The following AUTS2 variants were observed in gnomAD, a reference collection of about 807,000 sequenced individuals.
The protein encoded by AUTS2 is autism susceptibility gene 2 protein.
In AUTS2, 17 loss-of-function variants were observed where a neutral mutation model predicts 112.4. The observed-to-expected ratio is 0.15, with a 90% CI of 0.10 to 0.23. The LOEUF (loss-of-function observed/expected upper bound fraction) is 0.23, where lower values mean the gene tolerates loss of function less well. AUTS2 is among the 10% of genes least tolerant of loss of function. AUTS2 has a pLI of 1.00. For missense variants in AUTS2, 1,510 were observed against 1,701.6 expected (o/e 0.89, Z 1.98); for synonymous variants, 751 against 702.7 (o/e 1.07, Z -1.09).
intron 1 of AUTS2, among the ~76,000 whole-genome samples, chr7:69,724,000 C>T (rs1483610295): frequency 6.6e-6 from 1 of 152,146 alleles, no homozygotes; most frequent in East Asian, 1.9e-4. Context: ...GAATAAACTA[C>T]AGAAGCAGTG....
At chr7:69,623,003 T>G (rs1482434498) in intron 1 of AUTS2, among the ~76,000 whole-genome samples, 1 of 152,224 alleles carries the variant, frequency 6.6e-6, no homozygotes, top group East Asian at 1.9e-4. Flanking sequence ...TAGGCTGTGT[T>G]ACATTTTTTG....
rs1300634833 is a variant in AUTS2, at chr7:69,602,034, ATATATATGTGTGTGTGTGTGTGTG to A, written c.309+2074_309+2097del. 6.7e-3 allele frequency among the ~76,000 whole-genome samples: 881 copies of A among 131,248 alleles called. 20 individuals carry two copies. Among genetic ancestry groups the A allele is most frequent in the Non-Finnish European group, 9.2e-3 (565 of 61,438 alleles). The allele number at this position is 131,248 out of a possible 152,430, so 86.1% of individuals were successfully genotyped here. ...TATGTGTGTGTGTATATATATATAT[ATATATATGTGTGTGTGTGTGTGTG>A]TGTGTGTGTGTGTGTGTGTGTGTGT... On this transcript the variant is annotated intron_variant, in intron 1 of 18. Transcript: ENST00000342771.
At chr7:70,174,163 A>G (rs1808860344) in intron 4 of AUTS2, among the ~76,000 whole-genome samples, 1 of 152,234 alleles carries the variant, frequency 6.6e-6, no homozygotes, top group Non-Finnish European at 1.5e-5. Flanking sequence ...CATGAGTGAT[A>G]AGAAAGTGAA....
rs1251315706 is a variant in AUTS2, at chr7:70,614,904, A to G, written c.691-83665A>G. 2.6e-5 allele frequency among the ~76,000 whole-genome samples: 4 copies of G among 152,328 alleles called. No individual in the cohort carries two copies. In the South Asian group the frequency reaches 6.2e-4, roughly 24 times the overall value. ...CTGGCCGGCTGCAGGGCTAACCTGC[A>G]CCAGCACCCCAGGCAGCCCAGCTCA... On this transcript the variant is annotated intron_variant, in intron 5 of 18. Transcript: ENST00000342771.
chr7:70,399,317 T>C (rs1794225879), intron 4 of AUTS2, among the ~76,000 whole-genome samples: 1 of 152,158 alleles, frequency 6.6e-6, no homozygotes, highest in Non-Finnish European at 1.5e-5. Context: ...TGTGTGACTA[T>C]GGTGAATTAT....
rs114645417 is a variant in AUTS2 at position 70,447,221 on chromosome 7, G to T, written c.690+11440G>T. ...CAACCCAGTTAGAAATGTTTGCCAA[G>T]GTGTTTTACACATTATCTTATACAG... On this transcript the variant is annotated intron_variant, in intron 5 of 18. Coordinates refer to ENST00000342771, the MANE Select transcript of AUTS2 (RefSeq NM_015570.4). 5.4e-3 allele frequency among the ~76,000 whole-genome samples: 828 copies of T among 152,310 alleles called. 7 individuals are homozygous for T. The highest frequency in any genetic ancestry group is 0.019 in the African/African-American group (789 of 41,574).
intron 4 of AUTS2, among the ~76,000 whole-genome samples, chr7:70,211,255 T>G (rs1191452824): frequency 1.3e-5 from 2 of 152,194 alleles, no homozygotes; most frequent in East Asian, 3.8e-4. Context: ...GTGTATCTTT[T>G]AAACCTTTTT....
At chr7:69,661,136 C>T (rs999645230) in intron 1 of AUTS2, among the ~76,000 whole-genome samples, 12 of 152,078 alleles carry the variant, frequency 7.9e-5, no homozygotes, top group African/African-American at 2.7e-4. Context: ...GGGAATCTTC[C>T]TGATCTCTAA....
intron 4 of AUTS2, among the ~76,000 whole-genome samples, chr7:70,321,478 A>C (rs1219103511): frequency 6.6e-6 from 1 of 152,226 alleles, no homozygotes; most frequent in African/African-American, 2.4e-5. Flanking sequence ...GTAAGGAAGC[A>C]TATGCACTCT....
chr7:69,940,712 T>C (rs1399367628), intron 2 of AUTS2, among the ~76,000 whole-genome samples: 2 of 152,110 alleles, frequency 1.3e-5, no homozygotes, highest in Non-Finnish European at 2.9e-5. Flanking sequence ...AGGGAGACAG[T>C]AGAGGACAAG....
At position 70,379,012 on chromosome 7, in the gene AUTS2, TTAA is replaced by T. The variant is rs554341180; in HGVS notation, c.661-56739_661-56737del. Reference sequence around the variant, plus strand: ...TTATTCGTATCTCTTCCAATTCTTATTAAGACTAGCACTGCTGTTATGAATTTC... The same window carrying T: ...TTATTCGTATCTCTTCCAATTCTTATGACTAGCACTGCTGTTATGAATTTC... On this transcript the variant is annotated intron_variant, in intron 4 of 18. Coordinates refer to ENST00000342771, the MANE Select transcript of AUTS2 (RefSeq NM_015570.4). 3.2e-4 allele frequency among the ~76,000 whole-genome samples: 48 copies of T among 152,332 alleles called. No homozygotes were observed. The East Asian group carries it at 9.1e-3, about 29-fold the overall frequency.
At chr7:69,837,714 A>G (rs1488700286) in intron 1 of AUTS2, among the ~76,000 whole-genome samples, 2 of 152,178 alleles carry the variant, frequency 1.3e-5, no homozygotes, top group Admixed American at 1.3e-4. Context: ...TTAAGGGACC[A>G]CATGGTGTAT....
intron 3 of AUTS2, among the ~76,000 whole-genome samples, chr7:70,130,708 G>C (rs1806226964): frequency 6.6e-6 from 1 of 152,014 alleles, no homozygotes. Context: ...CCAGCAGAAT[G>C]AAAAGACCAT....
chr7:70,081,054 T>A (rs184766992), intron 2 of AUTS2, among the ~76,000 whole-genome samples: 6 of 152,230 alleles, frequency 3.9e-5, no homozygotes, highest in Non-Finnish European at 5.9e-5. Context: ...TGCGTGAGGA[T>A]TTATTTATTT....
At chr7:70,043,218 T>G (rs1489843255) in intron 2 of AUTS2, among the ~76,000 whole-genome samples, 1 of 152,194 alleles carries the variant, frequency 6.6e-6, no homozygotes, top group Non-Finnish European at 1.5e-5. Flanking sequence ...GCTCGCCTCT[T>G]TGCTGCACAT....
At chr7:70,156,731 TA>T (rs775628214) in intron 4 of AUTS2, among the ~76,000 whole-genome samples, 6 of 151,564 alleles carry the variant, frequency 4.0e-5, no homozygotes, top group Admixed American at 6.6e-5. Context: ...TCTCACCTCA[TA>T]AAAGTCCTTT....
intron 5 of AUTS2, among the ~76,000 whole-genome samples, chr7:70,578,904 C>G (rs529415368): frequency 5.5e-4 from 79 of 143,492 alleles, no homozygotes; most frequent in African/African-American, 1.9e-3. Context: ...TTCTTCTTTC[C>G]TTTCTTTCTT....
At chr7:70,262,679 A>C (rs946434178) in intron 4 of AUTS2, among the ~76,000 whole-genome samples, 18 of 152,246 alleles carry the variant, frequency 1.2e-4, no homozygotes, top group Non-Finnish European at 2.9e-5. Flanking sequence ...CTCCGGATTT[A>C]GGTCTCCATT....
At chr7:70,755,860 T>G (rs1249449426) in intron 6 of AUTS2, among the ~76,000 whole-genome samples, 1 of 151,952 alleles carries the variant, frequency 6.6e-6, no homozygotes, top group African/African-American at 2.4e-5. Flanking sequence ...TATACTTTAC[T>G]AATTACAGTA....
Sources: gnomAD v4.1 joint callset for allele counts (sites outside exome capture counted in the v4.1 genomes callset) on GRCh38, gnomAD v4.1.1 for gene constraint, MANE v1.5 for transcripts, NCBI Gene and HGNC (gene_info 2026-07-23, HGNC 2026-07-21) for gene names.